Variants in FABP3 observed in about 807,000 individuals in gnomAD.
FABP3 encodes the protein fatty acid-binding protein, heart.
In FABP3, 8 loss-of-function variants were observed where a neutral mutation model predicts 13.4. That is an observed-to-expected ratio of 0.60 (90% CI 0.35 to 1.07). The LOEUF is 1.07. FABP3 is among the 50% of genes least tolerant of loss of function. The pLI is 0.02. For synonymous variants in FABP3, 64 were observed against 60.0 expected, an observed-to-expected ratio of 1.07 and a Z score of -0.31; for missense variants, 135 against 164.7, an observed-to-expected ratio of 0.82 and a Z score of 0.99.
chr1:31,372,134 C>T (rs527751780), intron 1 of FABP3, among the ~76,000 whole-genome samples: 1 of 152,284 alleles, frequency 6.6e-6, no homozygotes, highest in Non-Finnish European at 1.5e-5. Flanking sequence ...TCTCCACATC[C>T]TCCTAAACCA....
chr1:31,361,686 G>A (rs61780110), downstream of FABP3, among the ~76,000 whole-genome samples: 1,368 of 152,308 alleles, frequency 9.0e-3, 7 homozygotes, highest in Middle Eastern at 0.041. Flanking sequence ...TCCCAACTGC[G>A]CCTATGCGAT....
intron 1 of FABP3, among the ~76,000 whole-genome samples, chr1:31,369,828 C>A (rs550643313): frequency 1.3e-3 from 191 of 152,264 alleles, no homozygotes; most frequent in South Asian, 0.01. Context: ...TACTATTGGG[C>A]CAAGTGTGGT....
intron 3 of FABP3, among the ~76,000 whole-genome samples, chr1:31,366,912 A>T (rs1322317375): frequency 6.6e-6 from 1 of 152,150 alleles, no homozygotes; most frequent in Non-Finnish European, 1.5e-5. Context: ...AGGAGAGGAA[A>T]GGGAATGCTG....
Position 31,365,582 on chromosome 1 carries a change from C to G in FABP3, c.*304G>C, listed in dbSNP as rs1213261477. The G allele has an allele frequency of 3.0e-6, 1 of 336,338 alleles. No homozygotes were observed. Among genetic ancestry groups the G allele is most frequent in the Non-Finnish European group, 5.6e-6 (1 of 177,466 alleles). 20.8% of individuals were successfully genotyped at this position (336,338 alleles called of 1,614,324 possible). A position where few individuals can be genotyped will look rare whatever the true frequency, so the allele number is the denominator to read the frequency against. On this transcript the variant is annotated 3_prime_UTR_variant, in exon 4 of 4. Coordinates refer to ENST00000373713, the MANE Select transcript of FABP3 (RefSeq NM_004102.5). Reference sequence around the variant, plus strand: ...CTCAGTAACCTTCAGGCCGTTATTTCTGCCCACTCTCTGACACACAGGATA... The same window carrying G: ...CTCAGTAACCTTCAGGCCGTTATTTGTGCCCACTCTCTGACACACAGGATA...
At chr1:31,363,402 C>T (rs1186623878), downstream of FABP3, among the ~76,000 whole-genome samples, 1 of 152,182 alleles carries the variant, frequency 6.6e-6, no homozygotes, top group Non-Finnish European at 1.5e-5. Context: ...CCAGGATGGT[C>T]TCGATCTCCT....
downstream of FABP3, among the ~76,000 whole-genome samples, chr1:31,363,503 A>G (rs1640008976): frequency 6.6e-6 from 1 of 152,010 alleles, no homozygotes; most frequent in African/African-American, 2.4e-5. Flanking sequence ...ATACTTTATT[A>G]AGTGTTGGCT....
At chr1:31,370,664 T>C (rs1231321278) in intron 1 of FABP3, among the ~76,000 whole-genome samples, 1 of 152,124 alleles carries the variant, frequency 6.6e-6, no homozygotes, top group African/African-American at 2.4e-5. Context: ...TTACAGAGAC[T>C]CTCTTCCTGA....
In FABP3 at chr1:31,373,021, G is replaced by C; in HGVS notation, c.-7C>G. 6.2e-7 allele frequency: 1 copy of C among 1,613,818 alleles called. No individual in the cohort carries two copies. The highest frequency in any genetic ancestry group is 1.1e-5 in the South Asian group (1 of 91,082). Reference sequence around the variant, plus strand: ...CCAGGAAAGCGTCCACCATAGTGATGCTGGGCTAGGCTGAGAGAAGCTACA... The same window carrying C: ...CCAGGAAAGCGTCCACCATAGTGATCCTGGGCTAGGCTGAGAGAAGCTACA... On this transcript the variant is annotated 5_prime_UTR_variant, in exon 1 of 4. Coordinates refer to ENST00000373713, the MANE Select transcript of FABP3 (RefSeq NM_004102.5).
downstream of FABP3, among the ~76,000 whole-genome samples, chr1:31,362,585 G>A (rs1639951894): frequency 6.6e-6 from 1 of 152,166 alleles, no homozygotes; most frequent in Non-Finnish European, 1.5e-5. Flanking sequence ...TTCTTTATGA[G>A]TATAATCTTG....
chr1:31,368,369 T>C (rs1385732481), intron 2 of FABP3, among the ~76,000 whole-genome samples: 2 of 152,212 alleles, frequency 1.3e-5, no homozygotes, highest in African/African-American at 2.4e-5. Context: ...GAGTAGATAT[T>C]TTTGCCCTAG....
rs1009958694 is a variant in FABP3, at chr1:31,369,099, A to T, written c.246+286T>A. 1.6e-4 allele frequency: 58 copies of T among 372,126 alleles called. No homozygotes were observed. In the Admixed American group the frequency reaches 2.2e-3, roughly 14 times the overall value. The allele number at this position is 372,126 out of a possible 1,614,324, so 23.1% of individuals were successfully genotyped here. A position where few individuals can be genotyped will look rare whatever the true frequency, so the allele number is the denominator to read the frequency against. ...CACAGGGTCACCCAGCTGGAGCTGGAGTAGATACTGAGGTCAGAAGAACAT... is the reference window on the plus strand; with the variant it reads ...CACAGGGTCACCCAGCTGGAGCTGGTGTAGATACTGAGGTCAGAAGAACAT... On this transcript the variant is annotated intron_variant, in intron 2 of 3. Coordinates refer to ENST00000373713, the MANE Select transcript of FABP3 (RefSeq NM_004102.5).
intron 2 of FABP3, among the ~76,000 whole-genome samples, chr1:31,368,517 T>C (rs889616120): frequency 1.3e-5 from 2 of 152,168 alleles, no homozygotes; most frequent in Non-Finnish European, 2.9e-5. Context: ...CATCCCCAGC[T>C]CTGCTGCCAG....
At chr1:31,368,174 G>A (rs1640144718) in intron 2 of FABP3, among the ~76,000 whole-genome samples, 1 of 152,160 alleles carries the variant, frequency 6.6e-6, no homozygotes, top group Admixed American at 6.5e-5. Flanking sequence ...CTCTTTCCTA[G>A]GAGTTTGGGG....
intron 1 of FABP3, among the ~76,000 whole-genome samples, chr1:31,371,164 T>G (rs1337889156): frequency 6.6e-6 from 1 of 152,200 alleles, no homozygotes; most frequent in Non-Finnish European, 1.5e-5. Flanking sequence ...GAGCCCTAGG[T>G]CTACAGCAGG....
intron 2 of FABP3, among the ~76,000 whole-genome samples, chr1:31,368,284 C>T (rs1261012801): frequency 1.3e-5 from 2 of 152,304 alleles, no homozygotes; most frequent in East Asian, 3.9e-4. Context: ...GGTATGAGGC[C>T]TGTCTCTTAG....
downstream of FABP3, chr1:31,363,992 T>C: frequency 6.3e-7 from 1 of 1,599,020 alleles, no homozygotes; most frequent in Non-Finnish European, 8.5e-7. Context: ...TAAAAGCAAA[T>C]ATACACATAC....
At chr1:31,366,148 T>C (rs905931) in intron 3 of FABP3, among the ~76,000 whole-genome samples, 149,521 of 151,544 alleles carry the variant, frequency 0.99, 73,796 homozygotes, top group Middle Eastern at 1. Flanking sequence ...ATCCTTAAGA[T>C]AGGCATTGTA....
At chr1:31,360,552 G>A (rs112952686), downstream of FABP3, among the ~76,000 whole-genome samples, 3,775 of 152,290 alleles carry the variant, frequency 0.025, 152 homozygotes, top group African/African-American at 0.086. Flanking sequence ...TTTGCTGGAG[G>A]ATTGGATTGT....
chr1:31,368,544 G>A (rs1640150374), intron 2 of FABP3, among the ~76,000 whole-genome samples: 1 of 152,192 alleles, frequency 6.6e-6, no homozygotes, highest in South Asian at 2.1e-4. Context: ...GTGTGATCCT[G>A]TTCTTTCTGG....
Sources: allele counts gnomAD v4.1 joint callset (sites outside exome capture counted in the v4.1 genomes callset), GRCh38; gene constraint gnomAD v4.1.1; transcripts MANE v1.5; gene names NCBI Gene and HGNC (gene_info 2026-07-23, HGNC 2026-07-21).